The following OR4E2 variants were observed in gnomAD, a reference collection of about 807,000 sequenced individuals.
The protein encoded by OR4E2 is olfactory receptor family 4 subfamily E member 2.
OR4E2 carries 9 observed loss-of-function variants against 11.0 expected under a neutral mutation model. That is an observed-to-expected ratio of 0.82 (90% CI 0.49 to 1.43). The LOEUF (loss-of-function observed/expected upper bound fraction) is 1.43. Ranked by LOEUF, OR4E2 falls within the 40% of genes most tolerant of loss-of-function variation. OR4E2 has a pLI of 0.00. For missense variants in OR4E2, 441 were observed against 382.0 expected (o/e 1.15, Z -1.29); for synonymous variants, 159 against 147.3 (o/e 1.08, Z -0.57).
intron 2 of OR4E2, among the ~76,000 whole-genome samples, chr14:21,657,440 T>TTCCTTCC (rs1880042790): frequency 1.3e-5 from 1 of 76,286 alleles, no homozygotes; most frequent in Non-Finnish European, 2.6e-5. Flanking sequence ...TTCTTCTTTC[T>TTCCTTCC]TTCCTTCCTT....
At chr14:21,663,626 T>C (rs983214845) in intron 3 of OR4E2, among the ~76,000 whole-genome samples, 2 of 152,206 alleles carry the variant, frequency 1.3e-5, no homozygotes, top group African/African-American at 4.8e-5. Flanking sequence ...AAAGGTAGTG[T>C]TCTTTGAAAT....
At chr14:21,655,711 A>G (rs1287692236) in intron 1 of OR4E2, among the ~76,000 whole-genome samples, 1 of 152,180 alleles carries the variant, frequency 6.6e-6, no homozygotes, top group African/African-American at 2.4e-5. Context: ...ACAAAACTTT[A>G]AGCTTAATGT....
Position 21,665,206 on chromosome 14 carries a change from A to G in OR4E2, c.124A>G (p.Asn42Asp), listed in dbSNP as rs146342168. 4.3e-6 allele frequency: 7 copies of G among 1,613,804 alleles called. No individual in the cohort carries two copies. The South Asian group carries it at 6.6e-5, about 15-fold the overall frequency. ...SAIYMLTLSG[N>D]ILIIIATVFT... ...CATTTATATGCTAACGCTTTCGGGG[A>G]ACATTCTCATCATCATTGCCACAGT... is the stretch of plus-strand genomic sequence containing the variant. Residue 42 changes from asparagine (N) to aspartate (D), a missense_variant, in exon 4 of 4, where the codon AAC becomes GAC. Transcript: ENST00000641524.
In OR4E2 at chr14:21,667,071, A is replaced by C. The variant is rs1880689283; in HGVS notation, c.*1047A>C. 1 of 152,170 alleles carries C rather than the reference A, an allele frequency of 6.6e-6. No individual in the cohort carries two copies. Among genetic ancestry groups the C allele is most frequent in the Non-Finnish European group, 1.5e-5 (1 of 68,034 alleles). 9.4% of individuals were successfully genotyped at this position (152,170 alleles called of 1,614,324 possible). ...TAATGATGATGATATTCTGTGACTG[A>C]AATAAGTAGGATTAGCTGTAAATGA... is the stretch of plus-strand genomic sequence containing the variant. On this transcript the variant is annotated 3_prime_UTR_variant, in exon 4 of 4. Transcript: ENST00000641524.
chr14:21,664,869 C>G (rs755265816), intron 3 of OR4E2, among the ~76,000 whole-genome samples: 1 of 152,122 alleles, frequency 6.6e-6, no homozygotes, highest in Non-Finnish European at 1.5e-5. Context: ...ATTCATGTGC[C>G]ATAGGGTGGT....
intron 3 of OR4E2, among the ~76,000 whole-genome samples, chr14:21,662,570 G>A (rs1318347945): frequency 6.6e-6 from 1 of 152,124 alleles, no homozygotes; most frequent in African/African-American, 2.4e-5. Flanking sequence ...AAAGTGCTAG[G>A]ATTACAGGCA....
In OR4E2 at chr14:21,660,751, G is replaced by A. The variant is rs917750084; in HGVS notation, c.-9+5G>A. ...CTTGAGTATTTGGGACTACAGGCAC[G>A]TGTCACTGCACCCAGCTTGACCTAT... On this transcript the variant is annotated splice_donor_5th_base_variant and intron_variant, in intron 3 of 3. Transcript: ENST00000641524. The A allele has an allele frequency of 4.0e-5, 6 of 151,640 alleles. No individual in the cohort carries two copies. The highest frequency in any genetic ancestry group is 9.7e-5 in the African/African-American group (4 of 41,234). 9.4% of individuals were successfully genotyped at this position (151,640 alleles called of 1,614,324 possible).
intron 3 of OR4E2, among the ~76,000 whole-genome samples, chr14:21,661,020 G>A (rs769858364): frequency 6.6e-6 from 1 of 152,108 alleles, no homozygotes. Flanking sequence ...AGTAGGATAA[G>A]AACAAGCTAT....
At chr14:21,660,150 G>A (rs1880236942) in intron 2 of OR4E2, among the ~76,000 whole-genome samples, 1 of 152,086 alleles carries the variant, frequency 6.6e-6, no homozygotes, top group Non-Finnish European at 1.5e-5. Flanking sequence ...GGATAAAACT[G>A]TTTCACCTAC....
In OR4E2 at chr14:21,655,449, G is replaced by A. The variant is rs542545506; in HGVS notation, c.-190-1053G>A. Reference sequence around the variant, plus strand: ...GGAGGCTGAAGTGGGAGGATAGCTTGACACCAAGAACTCGAGACCAACCTG... The same window carrying A: ...GGAGGCTGAAGTGGGAGGATAGCTTAACACCAAGAACTCGAGACCAACCTG... On this transcript the variant is annotated intron_variant, in intron 1 of 3. Coordinates refer to ENST00000641524, the MANE Select transcript of OR4E2 (RefSeq NM_001001912.3). Among the ~76,000 whole-genome samples the A allele has an allele frequency of 5.3e-5, 8 of 152,266 alleles. No individual in the cohort carries two copies. In the East Asian group the frequency reaches 1.5e-3, roughly 29 times the overall value.
intron 3 of OR4E2, among the ~76,000 whole-genome samples, 175 bp downstream of exon 3, chr14:21,660,921 G>A (rs747865463): frequency 6.6e-5 from 10 of 152,058 alleles, no homozygotes; most frequent in Non-Finnish European, 1.0e-4. Context: ...ATGTCACTTG[G>A]TTATACACTT....
chr14:21,654,447 G>GCA (rs374926097), intron 1 of OR4E2, among the ~76,000 whole-genome samples: 1 of 148,928 alleles, frequency 6.7e-6, no homozygotes, highest in Non-Finnish European at 1.5e-5. Context: ...ACACATGCAT[G>GCA]CACACACACA....
At chr14:21,658,623 T>G (rs1471610206) in intron 2 of OR4E2, among the ~76,000 whole-genome samples, 1 of 152,046 alleles carries the variant, frequency 6.6e-6, no homozygotes, top group Non-Finnish European at 1.5e-5. Context: ...AGGCTGAAAC[T>G]GGGGTCAGGG....
chr14:21,654,973 G>A (rs544548619), intron 1 of OR4E2, among the ~76,000 whole-genome samples: 5 of 152,120 alleles, frequency 3.3e-5, no homozygotes, highest in Non-Finnish European at 7.4e-5. Flanking sequence ...ATTACATGAA[G>A]CCTCGCCACA....
In OR4E2 at chr14:21,658,287, A is replaced by G. The variant is rs187562378; in HGVS notation, c.-103+1698A>G. On this transcript the variant is annotated intron_variant, in intron 2 of 3. Transcript: ENST00000641524. The stretch of plus-strand genomic sequence containing the variant: ...CTGTCAAAGGTTAGAGCGTGTTCCT[A>G]TGAACTTCTGCCTTGTCTCTTCTTG... Among the ~76,000 whole-genome samples the G allele has an allele frequency of 1.9e-3, 296 of 152,270 alleles. 2 individuals are homozygous for G. The highest frequency in any genetic ancestry group is 6.7e-3 in the African/African-American group (277 of 41,540).
rs184456222 is a variant in OR4E2 at position 21,661,531 on chromosome 14, C to T, written c.-9+785C>T. ...TTAGTAGTTTGTAATCTTGGCTGCA[C>T]ACTGGACTCTCCAAGGAGTATTAAT... On this transcript the variant is annotated intron_variant, in intron 3 of 3. Coordinates refer to ENST00000641524, the MANE Select transcript of OR4E2 (RefSeq NM_001001912.3). Among the ~76,000 whole-genome samples the T allele has an allele frequency of 1.9e-3, 296 of 152,278 alleles. 2 individuals are homozygous for T. Among genetic ancestry groups the T allele is most frequent in the African/African-American group, 6.7e-3 (277 of 41,558 alleles).
chr14:21,657,405 C>CTTTCTTT (rs1566581784), intron 2 of OR4E2, among the ~76,000 whole-genome samples: 3 of 132,208 alleles, frequency 2.3e-5, no homozygotes, highest in Non-Finnish European at 4.9e-5. Flanking sequence ...TTCCTTCCTT[C>CTTTCTTT]CTTTCTTTCT....
chr14:21,663,753 A>G (rs1880469009), intron 3 of OR4E2, among the ~76,000 whole-genome samples: 1 of 152,190 alleles, frequency 6.6e-6, no homozygotes, highest in Non-Finnish European at 1.5e-5. Context: ...GGTGGTTTAC[A>G]GCACAGATCG....
chr14:21,663,151 C>A (rs1196091336), intron 3 of OR4E2, among the ~76,000 whole-genome samples: 3 of 152,062 alleles, frequency 2.0e-5, no homozygotes, highest in Non-Finnish European at 4.4e-5. Flanking sequence ...CTACTAAGTG[C>A]TGCAAAGGAT....
Sources: allele counts gnomAD v4.1 joint callset (sites outside exome capture counted in the v4.1 genomes callset), GRCh38; gene constraint gnomAD v4.1.1; transcripts MANE v1.5; gene names NCBI Gene and HGNC (gene_info 2026-07-23, HGNC 2026-07-21).